The following CAMTA1 variants were observed in gnomAD, a reference collection of about 807,000 sequenced individuals.
CAMTA1 encodes the protein calmodulin-binding transcription activator 1.
CAMTA1 carries 27 observed loss-of-function variants against 170.9 expected under a neutral mutation model. That is an observed-to-expected ratio of 0.16 (90% CI 0.12 to 0.22). The LOEUF is 0.22. Among genes scored for constraint, CAMTA1 ranks in the 10% least tolerant of loss-of-function variants. The probability of loss-of-function intolerance (pLI) is 1.00; values close to 1 mark genes in which losing one functional copy is unlikely to be tolerated. For synonymous variants in CAMTA1, 833 were observed against 891.5 expected (o/e 0.93, Z 1.17); for missense variants, 1,619 against 2,217.2 (o/e 0.73, Z 5.42).
chr1:7,661,711 C>T lies in CAMTA1; in HGVS notation c.665-15C>T, dbSNP rs746151843. 1 of 1,613,702 alleles carries T rather than the reference C, an allele frequency of 6.2e-7. No homozygotes were observed. Among genetic ancestry groups the T allele is most frequent in the African/African-American group, 1.3e-5 (1 of 74,928 alleles). On this transcript the variant is annotated splice_polypyrimidine_tract_variant and intron_variant, in intron 7 of 22. Transcript: ENST00000303635. ...CCCACGGGCTCTGACAGCCCCCCTG[C>T]CTCTCTCTTCACAGTCCATGGCATC...
At chr1:7,376,249 G>T (rs1011267482) in intron 5 of CAMTA1, among the ~76,000 whole-genome samples, 1 of 152,204 alleles carries the variant, frequency 6.6e-6, no homozygotes, top group Non-Finnish European at 1.5e-5. Context: ...CTGCCAACTC[G>T]AAGGGCCTGG....
intron 4 of CAMTA1, among the ~76,000 whole-genome samples, chr1:7,188,104 A>G (rs961667372): frequency 4.6e-5 from 7 of 152,042 alleles, no homozygotes; most frequent in Admixed American, 2.0e-4. Context: ...AAACACATAA[A>G]ACCATCAAAT....
chr1:7,498,216 A>ATG (rs1434336586), intron 6 of CAMTA1, among the ~76,000 whole-genome samples: 2 of 147,634 alleles, frequency 1.4e-5, no homozygotes, highest in Admixed American at 6.7e-5. Flanking sequence ...GACAGTGTGG[A>ATG]TGTGTGTGTA....
intron 11 of CAMTA1, among the ~76,000 whole-genome samples, chr1:7,692,750 C>G (rs918761282): frequency 2.0e-5 from 3 of 152,158 alleles, no homozygotes; most frequent in African/African-American, 7.2e-5. Flanking sequence ...GGGTCATAAA[C>G]TATATGGAAG....
At position 7,588,682 on chromosome 1, in the gene CAMTA1, T is replaced by C. The variant is rs2095331090; in HGVS notation, c.511-51718T>C. ...AACCCCAGGGCCACGACTGGGCTCC[T>C]GGCAGCACGGCCAGATGGACCTCTG... is the stretch of plus-strand genomic sequence containing the variant. On this transcript the variant is annotated intron_variant, in intron 6 of 22. Transcript: ENST00000303635. The surrounding 1 kb of genome is among the most constrained non-coding windows in gnomAD (Gnocchi z 5.8). Among the ~76,000 whole-genome samples the C allele has an allele frequency of 6.6e-6, 1 of 152,204 alleles. No homozygotes were observed. Among genetic ancestry groups the C allele is most frequent in the South Asian group, 2.1e-4 (1 of 4,832 alleles).
intron 3 of CAMTA1, among the ~76,000 whole-genome samples, chr1:6,999,421 TTGCCCAGGCTGGAG>T (rs1697845914): frequency 6.6e-6 from 1 of 152,222 alleles, no homozygotes; most frequent in African/African-American, 2.4e-5. Context: ...TCTCACTCTG[TTGCCCAGGCTGGAG>T]TGCGGTGGTG....
rs777762370 is a variant in CAMTA1, at chr1:7,063,330, G to T, written c.235-27974G>T. Among the ~76,000 whole-genome samples, 6 of 152,218 alleles carry T rather than the reference G, an allele frequency of 3.9e-5. No individual in the cohort carries two copies. The highest frequency in any genetic ancestry group is 8.8e-5 in the Non-Finnish European group (6 of 68,044). ...CTCAGACCCGTCAGTGTGCTGAGGC[G>T]CAGCTTCCCAGAGGGAGGTGTCATC... On this transcript the variant is annotated intron_variant, in intron 3 of 22. Transcript: ENST00000303635. This position sits in a 1 kb window ranked among gnomAD's most constrained non-coding sequence, Gnocchi z 4.3.
In CAMTA1 at chr1:6,828,497, G is replaced by A. The variant is rs1648196647; in HGVS notation, c.234+3287G>A. On this transcript the variant is annotated intron_variant, in intron 3 of 22. Coordinates refer to ENST00000303635, the MANE Select transcript of CAMTA1 (RefSeq NM_015215.4). Reference sequence around the variant, plus strand: ...AGTAGAGACAGGGTTTTACCATGTTGGCCAGGATGGTCTCCATCTCTTGAC... The same window carrying A: ...AGTAGAGACAGGGTTTTACCATGTTAGCCAGGATGGTCTCCATCTCTTGAC... Among the ~76,000 whole-genome samples the A allele has an allele frequency of 1.3e-5, 2 of 151,714 alleles. 1 individual carries two copies. The highest frequency in any genetic ancestry group is 4.2e-4 in the South Asian group (2 of 4,794).
At chr1:7,123,190 C>T (rs1644746048) in intron 4 of CAMTA1, among the ~76,000 whole-genome samples, 1 of 152,140 alleles carries the variant, frequency 6.6e-6, no homozygotes, top group African/African-American at 2.4e-5. Flanking sequence ...GGCCAGAAGC[C>T]TGTTTCCCTC....
At chr1:6,820,411 G>A (rs1028194164) in intron 2 of CAMTA1, among the ~76,000 whole-genome samples, 161 bp downstream of exon 2, 4 of 152,124 alleles carry the variant, frequency 2.6e-5, no homozygotes, top group African/African-American at 9.7e-5. Flanking sequence ...TAATCCTTCT[G>A]GGGTAGCAAA....
intron 4 of CAMTA1, among the ~76,000 whole-genome samples, chr1:7,207,681 C>T (rs963220628): frequency 6.6e-6 from 1 of 152,130 alleles, no homozygotes; most frequent in African/African-American, 2.4e-5. Flanking sequence ...AGGTGTCCTT[C>T]CCTTATTTCT....
At chr1:7,106,522 G>A (rs1031622698) in intron 4 of CAMTA1, among the ~76,000 whole-genome samples, 4 of 152,188 alleles carry the variant, frequency 2.6e-5, no homozygotes, top group African/African-American at 4.8e-5. Flanking sequence ...AGGTACAGAA[G>A]TTGGGACCAG....
intron 5 of CAMTA1, among the ~76,000 whole-genome samples, chr1:7,460,289 G>A (rs1158561966): frequency 6.6e-6 from 1 of 152,244 alleles, no homozygotes; most frequent in African/African-American, 2.4e-5. Context: ...CTTCCTCTTA[G>A]GTGACTTTGC....
intron 6 of CAMTA1, among the ~76,000 whole-genome samples, chr1:7,512,664 C>G (rs186950086): frequency 2.6e-5 from 4 of 152,206 alleles, no homozygotes; most frequent in African/African-American, 9.7e-5. Flanking sequence ...ACTCCTATCA[C>G]GCTGGCCAGA....
At position 7,463,364 on chromosome 1, in the gene CAMTA1, T is replaced by G. The variant is rs2093136166; in HGVS notation, c.439-4466T>G. ...GGAGAGACAGAGAGACAGAGAAAGA[T>G]GGAGAGAGATAGCAGGAGAGACAGA... On this transcript the variant is annotated intron_variant, in intron 5 of 22. Transcript: ENST00000303635. This position sits in a 1 kb window ranked among gnomAD's most constrained non-coding sequence, Gnocchi z 4.7. Among the ~76,000 whole-genome samples, 5 of 142,740 alleles carry G rather than the reference T, an allele frequency of 3.5e-5. No individual in the cohort carries two copies. Among genetic ancestry groups the G allele is most frequent in the South Asian group, 2.3e-4 (1 of 4,326 alleles). The allele number at this position is 142,740 out of a possible 152,430, so 93.6% of individuals were successfully genotyped here. A position where few individuals can be genotyped will look rare whatever the true frequency, so the allele number is the denominator to read the frequency against.
At chr1:6,818,531 A>G (rs1299548250) in intron 1 of CAMTA1, among the ~76,000 whole-genome samples, 1 of 150,740 alleles carries the variant, frequency 6.6e-6, no homozygotes, top group Non-Finnish European at 1.5e-5. Context: ...AGAGAGAAGG[A>G]GAGAGAAGTA....
At chr1:7,290,116 A>T (rs1212710424) in intron 5 of CAMTA1, among the ~76,000 whole-genome samples, 1 of 152,246 alleles carries the variant, frequency 6.6e-6, no homozygotes, top group Admixed American at 6.5e-5. Flanking sequence ...TGTGAGGTGC[A>T]TTGGAAAATA....
chr1:7,097,755 A>G (rs565346971), intron 4 of CAMTA1, among the ~76,000 whole-genome samples: 4 of 152,354 alleles, frequency 2.6e-5, no homozygotes, highest in Non-Finnish European at 4.4e-5. Flanking sequence ...GCCAGACGCA[A>G]AGAGCCACAC....
intron 6 of CAMTA1, among the ~76,000 whole-genome samples, chr1:7,560,530 T>C (rs565504663): frequency 1.9e-3 from 283 of 152,358 alleles, no homozygotes; most frequent in Non-Finnish European, 3.4e-3. Context: ...GCCCCAAGGA[T>C]ACTTGGCCAT....
Sources: allele counts gnomAD v4.1 joint callset (sites outside exome capture counted in the v4.1 genomes callset), GRCh38; gene constraint gnomAD v4.1.1; non-coding constraint Gnocchi (gnomAD v3.1); transcripts MANE v1.5; gene names NCBI Gene and HGNC (gene_info 2026-07-23, HGNC 2026-07-21).